The following IBTK variants were observed in gnomAD, a reference collection of about 807,000 sequenced individuals.
The protein encoded by IBTK is inhibitor of Bruton tyrosine kinase.
IBTK carries 83 observed loss-of-function variants against 154.9 expected under a neutral mutation model. The ratio of observed to expected loss-of-function variants is 0.54; its 90% CI spans 0.45 to 0.64. IBTK has a LOEUF of 0.64. Ranked by LOEUF, IBTK falls within the 30% of genes least tolerant of loss-of-function variation. The pLI, the probability that IBTK is intolerant of heterozygous loss-of-function variation, is 0.00. For synonymous variants in IBTK, 515 were observed against 536.1 expected (o/e 0.96, Z 0.54); for missense variants, 1,332 against 1,584.6 (o/e 0.84, Z 2.71).
intron 25 of IBTK, among the ~76,000 whole-genome samples, chr6:82,183,890 T>C (rs1339782390): frequency 6.6e-6 from 1 of 152,238 alleles, no homozygotes; most frequent in African/African-American, 2.4e-5. Context: ...CCCTTTTTGC[T>C]GTCTCTCACC....
At chr6:82,217,591 A>G (rs1348427151) in intron 10 of IBTK, among the ~76,000 whole-genome samples, 1 of 152,172 alleles carries the variant, frequency 6.6e-6, no homozygotes. Flanking sequence ...TAAATCATTA[A>G]ATTTTACAAA....
At chr6:82,192,343 A>G (rs1201876535) in intron 23 of IBTK, among the ~76,000 whole-genome samples, 1 of 152,206 alleles carries the variant, frequency 6.6e-6, no homozygotes, top group African/African-American at 2.4e-5. Context: ...CTACTGTTTA[A>G]TATTAACAAA....
intron 20 of IBTK, 75 bp downstream of exon 20, chr6:82,200,512 T>A (rs1392628755): frequency 4.7e-6 from 6 of 1,263,938 alleles, no homozygotes; most frequent in African/African-American, 3.1e-5. Context: ...ATGTCCAAGA[T>A]GAGAGTGAAG....
At chr6:82,173,539 A>G in intron 26 of IBTK, 101 bp from the exon 27 acceptor site, 1 of 864,628 alleles carries the variant, frequency 1.2e-6, no homozygotes, top group Non-Finnish European at 1.8e-6. Flanking sequence ...TCCTGACTCC[A>G]GAGGCAAATT....
In IBTK at chr6:82,240,562, G is replaced by T; in HGVS notation, c.-76C>A. The T allele has an allele frequency of 8.3e-7, 1 of 1,201,282 alleles. No homozygotes were observed. Among genetic ancestry groups the T allele is most frequent in the South Asian group, 1.4e-5 (1 of 69,642 alleles). 74.4% of individuals were successfully genotyped at this position (1,201,282 alleles called of 1,614,324 possible). ...AAAATGAAAAAGCCAGGACACAAAG[G>T]TGCTATTGAGGAAGTTACAGAGAAT... is the stretch of plus-strand genomic sequence containing the variant. On this transcript the variant is annotated 5_prime_UTR_variant, in exon 2 of 29. Coordinates refer to ENST00000306270, the MANE Select transcript of IBTK (RefSeq NM_015525.4).
chr6:82,183,851 CTAA>C (rs1464928080), intron 25 of IBTK, among the ~76,000 whole-genome samples: 3 of 152,194 alleles, frequency 2.0e-5, no homozygotes, highest in African/African-American at 7.2e-5. Context: ...CACAAACTGA[CTAA>C]TGCCATTATC....
chr6:82,239,238 G>A (rs1159914743), intron 2 of IBTK, among the ~76,000 whole-genome samples: 7 of 151,554 alleles, frequency 4.6e-5, no homozygotes, highest in Non-Finnish European at 7.4e-5. Context: ...TCAGGAGATC[G>A]AGACCATCCT....
intron 25 of IBTK, 25 bp from the exon 26 acceptor site, chr6:82,182,053 T>C (rs772179295): frequency 6.3e-7 from 1 of 1,579,870 alleles, no homozygotes; most frequent in Non-Finnish European, 8.5e-7. Context: ...AAAGATCATG[T>C]TAAAACATCC....
intron 19 of IBTK, among the ~76,000 whole-genome samples, chr6:82,201,025 C>G (rs1437622339): frequency 3.3e-5 from 5 of 151,786 alleles, no homozygotes; most frequent in Non-Finnish European, 5.9e-5. Context: ...TGATTCAATT[C>G]AATAAAAACT....
intron 25 of IBTK, among the ~76,000 whole-genome samples, chr6:82,187,730 A>G (rs1768605750): frequency 6.6e-6 from 1 of 152,200 alleles, no homozygotes; most frequent in South Asian, 2.1e-4. Flanking sequence ...AGTCGACATG[A>G]GCATGAAAAT....
At chr6:82,176,136 T>C (rs994319017) in intron 26 of IBTK, among the ~76,000 whole-genome samples, 3 of 152,228 alleles carry the variant, frequency 2.0e-5, no homozygotes, top group African/African-American at 7.2e-5. Context: ...AAAAAAATTG[T>C]ACTGGCTTAA....
At chr6:82,184,536 A>G (rs1180736473) in intron 25 of IBTK, among the ~76,000 whole-genome samples, 2 of 152,200 alleles carry the variant, frequency 1.3e-5, no homozygotes, top group Non-Finnish European at 2.9e-5. Context: ...CAAATCCCAT[A>G]CATACTTAGT....
At position 82,227,236 on chromosome 6, in the gene IBTK, C is replaced by T; in HGVS notation, c.610G>A (p.Gly204Ser). 6.2e-7 allele frequency: 1 copy of T among 1,613,072 alleles called. No homozygotes were observed. Among genetic ancestry groups the T allele is most frequent in the South Asian group, 1.1e-5 (1 of 90,974 alleles). ...CCATGTCCTAATCGCCCTCCAGGACCATGACCACAGGTATAAACCTGCCCT... is the reference window on the plus strand; with the variant it reads ...CCATGTCCTAATCGCCCTCCAGGACTATGACCACAGGTATAAACCTGCCCT... ...QKGQVYTCGH[G>S]PGGRLGHGDE... The change falls in exon 5 of 29, where the codon GGT becomes AGT. Residue 204 changes from glycine (G) to serine (S), a missense_variant. By Grantham distance (56) the Gly-to-Ser change is moderately conservative. Transcript: ENST00000306270.
At chr6:82,201,940 G>A (rs746532558) in intron 18 of IBTK, among the ~76,000 whole-genome samples, 2 of 151,940 alleles carry the variant, frequency 1.3e-5, no homozygotes, top group African/African-American at 2.4e-5. Context: ...TGGCCAGGCC[G>A]GTCTTGAACT....
intron 26 of IBTK, among the ~76,000 whole-genome samples, chr6:82,175,220 G>A (rs1037026602): frequency 3.3e-5 from 5 of 152,284 alleles, no homozygotes; most frequent in African/African-American, 1.2e-4. Flanking sequence ...ATACGATAAT[G>A]AAAAGCAGAG....
intron 22 of IBTK, among the ~76,000 whole-genome samples, chr6:82,195,881 C>T (rs1268893630): frequency 1.3e-5 from 2 of 152,128 alleles, no homozygotes; most frequent in Non-Finnish European, 2.9e-5. Context: ...TGTTTTGCTC[C>T]AGTTAATACC....
At position 82,216,063 on chromosome 6, in the gene IBTK, T is replaced by C. The variant is rs767796910; in HGVS notation, c.1601+13A>G. On this transcript the variant is annotated intron_variant, in intron 11 of 28. Transcript: ENST00000306270. ...TCCTTCTAAAAAATGAAATTTAATATATACAAGTATACCTTGTTTTAGGAT... is the reference window on the plus strand; with the variant it reads ...TCCTTCTAAAAAATGAAATTTAATACATACAAGTATACCTTGTTTTAGGAT... 2.0e-5 allele frequency: 31 copies of C among 1,569,580 alleles called. No homozygotes were observed. Among genetic ancestry groups the C allele is most frequent in the Non-Finnish European group, 2.4e-5 (28 of 1,157,296 alleles).
At chr6:82,173,770 G>T (rs908378380) in intron 26 of IBTK, among the ~76,000 whole-genome samples, 1 of 150,140 alleles carries the variant, frequency 6.7e-6, no homozygotes, top group African/African-American at 2.5e-5. Context: ...ATGAGCAAAG[G>T]ATTACAGATA....
At position 82,182,416 on chromosome 6, in the gene IBTK, G is replaced by A. The variant is rs910741644; in HGVS notation, c.3576-388C>T. ...TTTTTAAAAATTCACTGTATAGATG[G>A]AAGAGTCGGTAAACTTGAAGATAAA... On this transcript the variant is annotated intron_variant, in intron 25 of 28. Coordinates refer to ENST00000306270, the MANE Select transcript of IBTK (RefSeq NM_015525.4). Among the ~76,000 whole-genome samples the A allele has an allele frequency of 2.4e-4, 36 of 151,842 alleles. 1 individual carries two copies.
Sources: allele counts gnomAD v4.1 joint callset (sites outside exome capture counted in the v4.1 genomes callset), GRCh38; gene constraint gnomAD v4.1.1; transcripts MANE v1.5; gene names NCBI Gene and HGNC (gene_info 2026-07-23, HGNC 2026-07-21).